Variants in CTNNA2 observed in about 807,000 individuals in gnomAD.
The protein encoded by CTNNA2 is catenin alpha 2, also known as catenin alpha-2.
In CTNNA2, 42 loss-of-function variants were observed where a neutral mutation model predicts 101.0. The ratio of observed to expected loss-of-function variants is 0.42; its 90% CI spans 0.32 to 0.54. CTNNA2 has a LOEUF of 0.54. Among genes scored for constraint, CTNNA2 ranks in the 20% least tolerant of loss-of-function variants. The probability of loss-of-function intolerance (pLI) is 0.14; values close to 1 mark genes in which losing one functional copy is unlikely to be tolerated. For missense variants in CTNNA2, 871 were observed against 1,223.1 expected (o/e 0.71, Z 4.29); for synonymous variants, 450 against 456.4 (o/e 0.99, Z 0.18).
At chr2:79,280,773 AC>A (rs1675356060) in intron 2 of CTNNA2, among the ~76,000 whole-genome samples, 1 of 151,326 alleles carries the variant, frequency 6.6e-6, no homozygotes, top group Non-Finnish European at 1.5e-5. Context: ...CTGGAGGACC[AC>A]CCTTGGTTGG....
chr2:80,596,196 T>C (rs777293926), intron 15 of CTNNA2, among the ~76,000 whole-genome samples: 12 of 151,574 alleles, frequency 7.9e-5, no homozygotes, highest in Non-Finnish European at 1.5e-4. Flanking sequence ...ATGCCTGTGA[T>C]TTTTGCACAT....
chr2:79,938,451 T>C (rs1687932514), intron 7 of CTNNA2, among the ~76,000 whole-genome samples: 1 of 152,212 alleles, frequency 6.6e-6, no homozygotes, highest in Non-Finnish European at 1.5e-5. Context: ...TTTAAGACAC[T>C]TTCCTGTATG....
chr2:80,468,632 G>A (rs1685053046), intron 9 of CTNNA2, among the ~76,000 whole-genome samples: 1 of 152,178 alleles, frequency 6.6e-6, no homozygotes, highest in Non-Finnish European at 1.5e-5. Flanking sequence ...TGGCCAGGCT[G>A]GTCTTGAACT....
intron 7 of CTNNA2, among the ~76,000 whole-genome samples, chr2:80,071,234 G>A (rs558635409): frequency 6.6e-6 from 1 of 152,228 alleles, no homozygotes; most frequent in African/African-American, 2.4e-5. Context: ...AAAAGTTTTT[G>A]AAAAATTAGA....
chr2:79,304,257 TG>T (rs1414608678), intron 2 of CTNNA2, among the ~76,000 whole-genome samples: 7 of 152,124 alleles, frequency 4.6e-5, no homozygotes, highest in African/African-American at 1.7e-4. Context: ...ATATTGAAAA[TG>T]GATGCCAAGG....
intron 3 of CTNNA2, among the ~76,000 whole-genome samples, chr2:79,825,715 T>A (rs960314720): frequency 3.3e-5 from 5 of 152,170 alleles, no homozygotes; most frequent in African/African-American, 1.2e-4. Context: ...TTAGGAAATA[T>A]CATATAGATG....
At chr2:80,115,993 C>T (rs17261454) in intron 7 of CTNNA2, among the ~76,000 whole-genome samples, 9,786 of 152,040 alleles carry the variant, frequency 0.064, 321 homozygotes, top group South Asian at 0.1. Flanking sequence ...ATTAAGCTAT[C>T]GACACATATA....
intron 4 of CTNNA2, among the ~76,000 whole-genome samples, chr2:79,484,059 G>A (rs561880322): frequency 3.6e-4 from 55 of 152,100 alleles, no homozygotes; most frequent in Admixed American, 1.6e-3. Flanking sequence ...CCTGGGCCAC[G>A]AGGCAAAACC....
rs112168655 is a variant in CTNNA2 at position 79,918,895 on chromosome 2, G to A, written c.1056+9098G>A. ...ACCGGTTATGGATTAGCCCTACAGG[G>A]TTTCAAGTTTGCAATTATTAGGTAC... On this transcript the variant is annotated intron_variant, in intron 7 of 18. Coordinates refer to ENST00000402739, the MANE Select transcript of CTNNA2 (RefSeq NM_001282597.3). 6.0e-3 allele frequency among the ~76,000 whole-genome samples: 907 copies of A among 152,298 alleles called. 14 individuals are homozygous for A. The highest frequency in any genetic ancestry group is 0.021 in the African/African-American group (881 of 41,566).
At chr2:79,887,909 G>A (rs17018086) in intron 6 of CTNNA2, among the ~76,000 whole-genome samples, 29,355 of 151,948 alleles carry the variant, frequency 0.19, 3,035 homozygotes, top group South Asian at 0.23. Context: ...AAGCAGGAGC[G>A]TTCCAGCATT....
intron 2 of CTNNA2, among the ~76,000 whole-genome samples, chr2:79,257,351 G>A (rs1674861146): frequency 6.6e-6 from 1 of 152,054 alleles, no homozygotes; most frequent in Non-Finnish European, 1.5e-5. Context: ...GGATAACCCA[G>A]GTTTCATTTG....
Position 79,419,228 on chromosome 2 carries a change from T to A in CTNNA2, c.-135+45215T>A, listed in dbSNP as rs193132442. Among the ~76,000 whole-genome samples the A allele has an allele frequency of 5.5e-4, 84 of 152,288 alleles. 1 individual carries two copies. The highest frequency in any genetic ancestry group is 1.1e-3 in the Non-Finnish European group (72 of 68,004). ...ATCCATCACAGACTCAGTTTCTTATTTCAAAGAATAATTTTCAAAAAATAT... is the reference window on the plus strand; with the variant it reads ...ATCCATCACAGACTCAGTTTCTTATATCAAAGAATAATTTTCAAAAAATAT... On this transcript the variant is annotated intron_variant, in intron 4 of 21. Coordinates refer to the CTNNA2 transcript ENST00000466387.
At chr2:80,480,623 T>C (rs1170984184) in intron 9 of CTNNA2, among the ~76,000 whole-genome samples, 3 of 152,138 alleles carry the variant, frequency 2.0e-5, no homozygotes, top group African/African-American at 7.2e-5. Context: ...GAATTTTCAA[T>C]CCAGGGCTTA....
chr2:80,525,343 C>T (rs773283418), intron 9 of CTNNA2, among the ~76,000 whole-genome samples: 9 of 151,976 alleles, frequency 5.9e-5, no homozygotes, highest in East Asian at 3.9e-4. Flanking sequence ...GGGCAGGTCC[C>T]GGAAGTCTTT....
chr2:80,142,279 G>A (rs952946104), intron 7 of CTNNA2, among the ~76,000 whole-genome samples: 1 of 152,176 alleles, frequency 6.6e-6, no homozygotes, highest in Admixed American at 6.5e-5. Flanking sequence ...TCATTGGGAA[G>A]TTGGAGTCTT....
intron 7 of CTNNA2, among the ~76,000 whole-genome samples, chr2:80,336,422 A>C (rs551447033): frequency 1.5e-3 from 227 of 152,310 alleles, no homozygotes; most frequent in African/African-American, 5.1e-3. Context: ...TTTTACAATT[A>C]CAATTTTGCT....
chr2:79,614,353 G>A (rs984931858), intron 1 of CTNNA2, among the ~76,000 whole-genome samples: 2 of 151,912 alleles, frequency 1.3e-5, no homozygotes, highest in Non-Finnish European at 2.9e-5. Flanking sequence ...ACACATAATC[G>A]TTTTTCTGAC....
intron 3 of CTNNA2, among the ~76,000 whole-genome samples, chr2:79,838,097 C>G (rs986628026): frequency 6.6e-6 from 1 of 152,044 alleles, no homozygotes; most frequent in Non-Finnish European, 1.5e-5. Context: ...TAGAATTATA[C>G]TATACTCAGT....
chr2:80,056,188 C>T (rs1697203144), intron 7 of CTNNA2, among the ~76,000 whole-genome samples: 1 of 152,132 alleles, frequency 6.6e-6, no homozygotes, highest in South Asian at 2.1e-4. Context: ...CTAGCCTTCT[C>T]TTGCTGGCGG....
Sources: allele counts gnomAD v4.1 joint callset (sites outside exome capture counted in the v4.1 genomes callset), GRCh38; gene constraint gnomAD v4.1.1; transcripts MANE v1.5; gene names NCBI Gene and HGNC (gene_info 2026-07-23, HGNC 2026-07-21).